SLC6A9: variants seen among roughly 807,000 people sequenced by gnomAD.
SLC6A9 encodes sodium- and chloride-dependent glycine transporter 1.
In SLC6A9, 31 loss-of-function variants were observed where a neutral mutation model predicts 70.9. That is an observed-to-expected ratio of 0.44 (90% CI 0.33 to 0.59). SLC6A9 has a LOEUF of 0.59. Among genes scored for constraint, SLC6A9 ranks in the 20% least tolerant of loss-of-function variants. The probability of loss-of-function intolerance (pLI) is 0.04; values close to 1 mark genes in which losing one functional copy is unlikely to be tolerated. For missense variants in SLC6A9, 631 were observed against 845.2 expected (o/e 0.75, Z 3.14); for synonymous variants, 310 against 341.3 (o/e 0.91, Z 1.01).
At chr1:44,019,990 G>A (rs892953280) in intron 2 of SLC6A9, among the ~76,000 whole-genome samples, 7 of 152,226 alleles carry the variant, frequency 4.6e-5, no homozygotes, top group Admixed American at 3.9e-4. Context: ...CCCGACCAGA[G>A]AGGAAGCTGA....
intron 2 of SLC6A9, chr1:44,017,407 A>G: frequency 9.3e-7 from 1 of 1,077,198 alleles, no homozygotes; most frequent in Non-Finnish European, 1.2e-6. Flanking sequence ...ACACACACAC[A>G]CAGACTGGGG....
chr1:44,029,927 C>T (rs959020439), intron 1 of SLC6A9, among the ~76,000 whole-genome samples: 5 of 152,224 alleles, frequency 3.3e-5, no homozygotes, highest in Admixed American at 1.3e-4. Flanking sequence ...TCTCTTTCCC[C>T]ACTCCTCGCC....
Position 44,000,985 on chromosome 1 carries a change from A to T in SLC6A9, c.1406T>A (p.Ile469Asn), listed in dbSNP as rs1222045698. ...ASFSLVVISC[I>N]MCVAIMYIYG... ...GATGTACATGATGGCCACACACATG[A>T]TGCAGGAGATGACCACCAAGGAGAA... Residue 469 changes from isoleucine (I) to asparagine (N), a missense_variant, in exon 11 of 14, where the codon ATC (isoleucine) becomes AAC (asparagine). Transcript: ENST00000372310. 1 of 1,591,628 alleles carries T rather than the reference A, an allele frequency of 6.3e-7. No individual in the cohort carries two copies. The highest frequency in any genetic ancestry group is 2.2e-5 in the East Asian group (1 of 44,612).
chr1:44,010,228 A>G (rs1348940442), intron 3 of SLC6A9, 132 bp from the exon 4 acceptor site: 3 of 932,080 alleles, frequency 3.2e-6, no homozygotes, highest in Non-Finnish European at 4.8e-6. Flanking sequence ...AGGCTTGAGC[A>G]GGAGCCTGGG....
intron 9 of SLC6A9, 32 bp from the exon 10 acceptor site, chr1:44,001,330 G>A (rs1223338738): frequency 1.2e-6 from 2 of 1,613,956 alleles, no homozygotes; most frequent in South Asian, 2.2e-5. Context: ...TCGGAGACCT[G>A]CCCCTTGTTC....
At chr1:44,023,215 C>G (rs570434933) in intron 2 of SLC6A9, among the ~76,000 whole-genome samples, 2 of 152,328 alleles carry the variant, frequency 1.3e-5, no homozygotes, top group Non-Finnish European at 2.9e-5. Flanking sequence ...GCCGTCCAGT[C>G]TAGCCTGTCC....
chr1:44,006,747 T>C (rs575881162), intron 5 of SLC6A9, among the ~76,000 whole-genome samples: 46 of 152,276 alleles, frequency 3.0e-4, no homozygotes, highest in African/African-American at 1.0e-3. Flanking sequence ...CATGCCCCTC[T>C]GGGGGACAGC....
chr1:43,998,063 C>A (rs1403180818), intron 12 of SLC6A9, 38 bp from the exon 13 acceptor site: 1 of 1,563,584 alleles, frequency 6.4e-7, no homozygotes, highest in Admixed American at 1.8e-5. Flanking sequence ...GTGAGGCCGA[C>A]CCAGAGCCCA....
intron 1 of SLC6A9, among the ~76,000 whole-genome samples, chr1:44,026,831 C>T (rs998704935): frequency 3.9e-5 from 6 of 152,334 alleles, no homozygotes; most frequent in East Asian, 1.9e-4. Flanking sequence ...GAGAGACAGA[C>T]TCGGAGAGGT....
intron 2 of SLC6A9, chr1:44,016,961 A>G: frequency 2.2e-6 from 3 of 1,372,162 alleles, no homozygotes; most frequent in Non-Finnish European, 2.9e-6. Flanking sequence ...GGCACAGACC[A>G]CTCAGCCCCT....
chr1:44,011,560 C>T lies in SLC6A9; in HGVS notation c.31-678G>A. On this transcript the variant is annotated intron_variant, in intron 2 of 13. Transcript: ENST00000372310. ...CTGGGGAGGGGCCCTGGGGAGCTGA[C>T]CTGGGCCATGGCTAGGGAGTGCTGG... 1 of 1,613,580 alleles carries T rather than the reference C, an allele frequency of 6.2e-7. No individual in the cohort carries two copies. The highest frequency in any genetic ancestry group is 8.5e-7 in the Non-Finnish European group (1 of 1,179,778).
chr1:44,001,560 T>C lies in SLC6A9; in HGVS notation c.1030A>G (p.Ile344Val), dbSNP rs753011632. Residue 344 changes from isoleucine (I) to valine (V), a missense_variant, in exon 9 of 14, where the codon ATC becomes GTC. Coordinates refer to ENST00000372310, the MANE Select transcript of SLC6A9 (RefSeq NM_001024845.3). ...AGGTGATTGGCCATGAAGCCGAGGA[T>C]GGAGAAGATGACGAAGCCAGCATAG... ...SVYAGFVIFSILGFMANHLGV... is the reference protein window; with the variant it reads ...SVYAGFVIFSVLGFMANHLGV... The C allele has an allele frequency of 6.2e-7, 1 of 1,614,178 alleles. No homozygotes were observed. The highest frequency in any genetic ancestry group is 1.7e-5 in the Admixed American group (1 of 60,020).
At chr1:44,005,621 AAC>A (rs1009651954) in intron 5 of SLC6A9, among the ~76,000 whole-genome samples, 5 of 152,214 alleles carry the variant, frequency 3.3e-5, no homozygotes, top group African/African-American at 9.7e-5. Flanking sequence ...AGACGGGCGC[AAC>A]ACACACAGAT....
In SLC6A9 at chr1:43,998,983, G is replaced by C. The variant is rs995296770; in HGVS notation, c.1537-958C>G. Reference sequence around the variant, plus strand: ...CCACCCAGAGGGCCTGGCGGGGGAAGGGGGGGGGCAGTCCCAGCACCCTCC... The same window carrying C: ...CCACCCAGAGGGCCTGGCGGGGGAACGGGGGGGGCAGTCCCAGCACCCTCC... On this transcript the variant is annotated intron_variant, in intron 12 of 13. Transcript: ENST00000372310. Among the ~76,000 whole-genome samples the C allele has an allele frequency of 3.7e-3, 34 of 9,182 alleles. 2 individuals carry two copies. The highest frequency in any genetic ancestry group is 0.014 in the Admixed American group (18 of 1,296). 6.0% of individuals were successfully genotyped at this position (9,182 alleles called of 152,430 possible). A position where few individuals can be genotyped will look rare whatever the true frequency, so the allele number is the denominator to read the frequency against.
chr1:44,009,775 G>A (rs370898857), intron 4 of SLC6A9, among the ~76,000 whole-genome samples, 190 bp downstream of exon 4: 16 of 152,258 alleles, frequency 1.1e-4, no homozygotes, highest in African/African-American at 3.9e-4. Context: ...GGTAGGAGGG[G>A]AGGGTGGCAG....
chr1:44,026,541 C>G (rs1215340029), intron 1 of SLC6A9, among the ~76,000 whole-genome samples: 2 of 152,102 alleles, frequency 1.3e-5, no homozygotes, highest in East Asian at 1.9e-4. Flanking sequence ...CGCCTGTAGT[C>G]CCAGCTACTC....
intron 2 of SLC6A9, among the ~76,000 whole-genome samples, chr1:44,016,175 A>G (rs909624328): frequency 6.6e-6 from 1 of 151,954 alleles, no homozygotes; most frequent in African/African-American, 2.4e-5. Context: ...CTCGCTTCCC[A>G]CCCCAGACAA....
At chr1:44,025,294 T>TG (rs1474029879) in intron 1 of SLC6A9, among the ~76,000 whole-genome samples, 1 of 151,774 alleles carries the variant, frequency 6.6e-6, no homozygotes, top group Non-Finnish European at 1.5e-5. Context: ...AGTGGCAAGG[T>TG]GGGGCTGGCG....
chr1:44,008,230 C>T, intron 5 of SLC6A9, 123 bp downstream of exon 5: 2 of 952,426 alleles, frequency 2.1e-6, no homozygotes, highest in East Asian at 2.4e-5. Flanking sequence ...CACCTCTACC[C>T]TCTCCCAGCC....
Sources: allele counts gnomAD v4.1 joint callset (sites outside exome capture counted in the v4.1 genomes callset), GRCh38; gene constraint gnomAD v4.1.1; transcripts MANE v1.5; gene names NCBI Gene and HGNC (gene_info 2026-07-23, HGNC 2026-07-21).